Variants in ADAMTSL1 observed in about 807,000 individuals in gnomAD.
ADAMTSL1 encodes ADAMTS like 1, also known as ADAMTS-like protein 1.
A neutral mutation model predicts 201.8 loss-of-function variants in ADAMTSL1; 126 were observed. The observed-to-expected ratio is 0.62, with a 90% confidence interval of 0.54 to 0.72. The LOEUF is 0.72. ADAMTSL1 is among the 30% of genes least tolerant of loss of function. The pLI, the probability that ADAMTSL1 is intolerant of heterozygous loss-of-function variation, is 0.00. For synonymous variants in ADAMTSL1, 1,121 were observed against 903.4 expected (o/e 1.24, Z -4.32); for missense variants, 2,679 against 2,277.8 (o/e 1.18, Z -3.59).
chr9:18,570,274 A>G (rs1822214684), intron 3 of ADAMTSL1, among the ~76,000 whole-genome samples: 6 of 152,014 alleles, frequency 3.9e-5, no homozygotes, highest in Admixed American at 3.3e-4. Flanking sequence ...AGGAAGTATA[A>G]TGGTTTCATG....
At chr9:18,627,845 A>G (rs1376726274) in intron 5 of ADAMTSL1, among the ~76,000 whole-genome samples, 4 of 152,196 alleles carry the variant, frequency 2.6e-5, no homozygotes, top group African/African-American at 9.6e-5. Flanking sequence ...CATATTTGGC[A>G]GGGGAGAGGG....
At chr9:18,522,000 G>A (rs1458253541) in intron 2 of ADAMTSL1, among the ~76,000 whole-genome samples, 1 of 152,166 alleles carries the variant, frequency 6.6e-6, no homozygotes, top group African/African-American at 2.4e-5. Context: ...AACCACAGAT[G>A]AAGACAGTGA....
At chr9:18,267,991 T>C (rs939493932) in intron 2 of ADAMTSL1, among the ~76,000 whole-genome samples, 2 of 152,126 alleles carry the variant, frequency 1.3e-5, no homozygotes, top group African/African-American at 4.8e-5. Flanking sequence ...ATTTAAAAAA[T>C]TTAAGTATTG....
chr9:18,658,872 T>A (rs2132995141), intron 8 of ADAMTSL1, among the ~76,000 whole-genome samples: 1 of 152,358 alleles, frequency 6.6e-6, no homozygotes, highest in East Asian at 1.9e-4. Context: ...TTTCAAATTA[T>A]TTTCTTGGTA....
At chr9:18,519,045 C>G (rs1818529805) in intron 2 of ADAMTSL1, among the ~76,000 whole-genome samples, 2 of 152,166 alleles carry the variant, frequency 1.3e-5, no homozygotes, top group Admixed American at 6.5e-5. Context: ...ATGTCCCTCC[C>G]TCCCCATACT....
chr9:18,080,757 A>G (rs1172951729), intron 1 of ADAMTSL1, among the ~76,000 whole-genome samples: 1 of 152,238 alleles, frequency 6.6e-6, no homozygotes, highest in Non-Finnish European at 1.5e-5. Flanking sequence ...CCTAAGTAGT[A>G]TTAGACTTGA....
At chr9:18,327,202 A>G (rs542062817) in intron 2 of ADAMTSL1, among the ~76,000 whole-genome samples, 3 of 152,220 alleles carry the variant, frequency 2.0e-5, no homozygotes, top group South Asian at 4.1e-4. Flanking sequence ...CTGGGCAGAA[A>G]CCTTTGCTGT....
intron 2 of ADAMTSL1, among the ~76,000 whole-genome samples, chr9:18,173,696 C>T (rs1046826399): frequency 1.3e-5 from 2 of 152,048 alleles, no homozygotes; most frequent in African/African-American, 4.8e-5. Context: ...CTAATGCAGA[C>T]AGATTTTTAG....
chr9:18,700,772 C>G (rs1185919282), intron 13 of ADAMTSL1, among the ~76,000 whole-genome samples: 1 of 152,022 alleles, frequency 6.6e-6, no homozygotes, highest in Non-Finnish European at 1.5e-5. Flanking sequence ...TTTTCTTTTT[C>G]CAATATACTA....
chr9:18,322,289 ATTAAG>A (rs2132858646), intron 2 of ADAMTSL1, among the ~76,000 whole-genome samples: 1 of 152,312 alleles, frequency 6.6e-6, no homozygotes, highest in East Asian at 1.9e-4. Flanking sequence ...ATAGAAAAAA[ATTAAG>A]TTAAAGTCCA....
At chr9:18,283,289 T>C (rs555381574) in intron 2 of ADAMTSL1, among the ~76,000 whole-genome samples, 9 of 152,270 alleles carry the variant, frequency 5.9e-5, no homozygotes, top group Admixed American at 5.2e-4. Flanking sequence ...CTGCGTGATG[T>C]ATTTTTCCAT....
intron 9 of ADAMTSL1, among the ~76,000 whole-genome samples, chr9:18,672,428 A>G (rs564275213): frequency 6.6e-6 from 1 of 152,218 alleles, no homozygotes; most frequent in Non-Finnish European, 1.5e-5. Flanking sequence ...ACAGAAAAAC[A>G]TTTAAAAAGA....
intron 1 of ADAMTSL1, among the ~76,000 whole-genome samples, chr9:18,482,015 C>A (rs1186393184): frequency 2.6e-5 from 4 of 152,110 alleles, no homozygotes; most frequent in Admixed American, 1.3e-4. Context: ...CAAATAGATT[C>A]CATTTGGAAT....
At chr9:18,729,765 A>G (rs954632910) in intron 15 of ADAMTSL1, among the ~76,000 whole-genome samples, 1 of 152,002 alleles carries the variant, frequency 6.6e-6, no homozygotes, top group African/African-American at 2.4e-5. Flanking sequence ...GGGTCACTCT[A>G]TTTTCTAAAT....
chr9:18,075,529 T>G (rs761613089), intron 1 of ADAMTSL1, among the ~76,000 whole-genome samples: 1 of 152,194 alleles, frequency 6.6e-6, no homozygotes, highest in African/African-American at 2.4e-5. Context: ...ATATAAAAGT[T>G]TTATAAAAGT....
rs1282668459 is a variant in ADAMTSL1 at position 18,684,731 on chromosome 9, A to G, written c.1505A>G (p.Glu502Gly). 1.2e-6 allele frequency: 2 copies of G among 1,613,178 alleles called. No individual in the cohort carries two copies. Among genetic ancestry groups the G allele is most frequent in the South Asian group, 2.2e-5 (2 of 90,560 alleles). The change falls in exon 13 of 29, where the codon GAG becomes GGG. Residue 502 changes from glutamate to glycine, a missense_variant. Transcript: ENST00000380548. The stretch of plus-strand genomic sequence containing the variant: ...GAATTCTCAGAGAAACTTCCAGTCG[A>G]GGCCAAGTTGCCATGGTTCAAACAA... ...CYKPKEKLPV[E>G]AKLPWFKQAQ...
chr9:18,287,444 A>G (rs1172997294), intron 2 of ADAMTSL1, among the ~76,000 whole-genome samples: 1 of 151,660 alleles, frequency 6.6e-6, no homozygotes, highest in Non-Finnish European at 1.5e-5. Flanking sequence ...ACATATATGT[A>G]TGTGTATTTT....
At chr9:18,907,846 A>C (rs731168) in intron 28 of ADAMTSL1, 1 of 159,956 alleles carries the variant, frequency 6.3e-6, no homozygotes, top group East Asian at 1.9e-4. Context: ...AGTCTGTGCC[A>C]ACACTGAACT....
intron 1 of ADAMTSL1, among the ~76,000 whole-genome samples, chr9:18,132,819 T>C (rs1441182246): frequency 1.3e-5 from 2 of 152,208 alleles, no homozygotes; most frequent in African/African-American, 4.8e-5. Flanking sequence ...TTGTCTACAA[T>C]GTCAGTTTAG....
Sources: gnomAD v4.1 joint callset for allele counts (sites outside exome capture counted in the v4.1 genomes callset) on GRCh38, gnomAD v4.1.1 for gene constraint, MANE v1.5 for transcripts, NCBI Gene and HGNC (gene_info 2026-07-23, HGNC 2026-07-21) for gene names.